Variants in AGMO observed in about 807,000 individuals in gnomAD.
AGMO encodes the protein alkylglycerol monooxygenase, also known as glyceryl-ether monooxygenase.
Under a neutral mutation model 60.2 loss-of-function variants are expected in AGMO, and 75 were observed. The observed-to-expected ratio is 1.25, with a 90% CI of 1.03 to 1.51. AGMO has a LOEUF of 1.51. Ranked by LOEUF, AGMO falls within the 40% of genes most tolerant of loss-of-function variation. The probability of loss-of-function intolerance (pLI) is 0.00; values close to 1 mark genes in which losing one functional copy is unlikely to be tolerated. For missense variants in AGMO, 763 were observed against 525.5 expected (o/e 1.45, Z -4.42); for synonymous variants, 261 against 177.1 (o/e 1.47, Z -3.76).
At chr7:15,380,298 A>C (rs1783625202) in intron 10 of AGMO, among the ~76,000 whole-genome samples, 1 of 152,118 alleles carries the variant, frequency 6.6e-6, no homozygotes, top group Admixed American at 6.5e-5. Context: ...AAGTTGATAA[A>C]CAACTTCAGC....
At chr7:15,175,290 C>CT in the AGMO span, among the ~76,000 whole-genome samples, 16 of 151,866 alleles carry the variant, frequency 1.1e-4, no homozygotes, top group Non-Finnish European at 2.2e-4. Flanking sequence ...CTTTAACTAT[C>CT]TTCCAGTACA....
downstream of AGMO, among the ~76,000 whole-genome samples, chr7:15,195,844 TAATA>T (rs1336774506): frequency 6.6e-6 from 1 of 152,170 alleles, no homozygotes; most frequent in Non-Finnish European, 1.5e-5. Context: ...TTACCATTAT[TAATA>T]ATCTTCCATT....
chr7:15,523,850 C>T (rs1295492037), intron 3 of AGMO, among the ~76,000 whole-genome samples: 1 of 151,864 alleles, frequency 6.6e-6, no homozygotes, highest in African/African-American at 2.4e-5. Flanking sequence ...AAAAAAGACA[C>T]CCAGGAAGAA....
the AGMO span, among the ~76,000 whole-genome samples, chr7:15,167,860 C>G: frequency 6.6e-6 from 1 of 152,178 alleles, no homozygotes; most frequent in Non-Finnish European, 1.5e-5. Context: ...CCTCAAGGAA[C>G]ACTTCTAAAC....
Position 15,286,548 on chromosome 7 carries a change from G to C in AGMO, c.1263+78966C>G, listed in dbSNP as rs1232770040. Among the ~76,000 whole-genome samples, 4 of 151,978 alleles carry C rather than the reference G, an allele frequency of 2.6e-5. No homozygotes were observed. The South Asian group carries it at 6.2e-4, about 24-fold the overall frequency. ...ATACCATCTCACCCATGCAAGTGTG[G>C]TCATTATTATAAAGTCAAAAAAAGA... On this transcript the variant is annotated intron_variant, in intron 12 of 12. Transcript: ENST00000342526.
the AGMO span, among the ~76,000 whole-genome samples, chr7:15,177,130 T>C: frequency 2.6e-5 from 4 of 152,060 alleles, no homozygotes; most frequent in African/African-American, 9.7e-5. Context: ...AACATTTTTT[T>C]TGGATCTGAG....
chr7:15,380,462 A>G (rs551774233), intron 10 of AGMO, among the ~76,000 whole-genome samples: 1 of 152,250 alleles, frequency 6.6e-6, no homozygotes, highest in African/African-American at 2.4e-5. Context: ...AGGGAGGTGA[A>G]AGATCTCTAG....
At chr7:15,347,181 A>T (rs1348239554) in intron 12 of AGMO, among the ~76,000 whole-genome samples, 1 of 152,036 alleles carries the variant, frequency 6.6e-6, no homozygotes, top group African/African-American at 2.4e-5. Flanking sequence ...GTCTTTTTGT[A>T]TAATTCCTGT....
In AGMO at chr7:15,354,496, G is replaced by A. The variant is rs1387540371; in HGVS notation, c.1263+11018C>T. ...TACACACGTGTGTATATACACACGT[G>A]TATATATATATATATATATATATAT... On this transcript the variant is annotated intron_variant, in intron 12 of 12. Transcript: ENST00000342526. 1.8e-3 allele frequency among the ~76,000 whole-genome samples: 34 copies of A among 18,778 alleles called. 1 individual carries two copies. Among genetic ancestry groups the A allele is most frequent in the South Asian group, 6.1e-3 (2 of 330 alleles). The allele number at this position is 18,778 out of a possible 152,430, so 12.3% of individuals were successfully genotyped here. A position where few individuals can be genotyped will look rare whatever the true frequency, so the allele number is the denominator to read the frequency against.
At chr7:15,542,607 T>C (rs1244069275) in intron 3 of AGMO, among the ~76,000 whole-genome samples, 1 of 152,170 alleles carries the variant, frequency 6.6e-6, no homozygotes, top group African/African-American at 2.4e-5. Flanking sequence ...TGTAATATAG[T>C]ACAATATAAA....
intron 10 of AGMO, among the ~76,000 whole-genome samples, chr7:15,370,374 G>C (rs532691843): frequency 1.3e-5 from 2 of 152,214 alleles, no homozygotes; most frequent in African/African-American, 4.8e-5. Flanking sequence ...GAGTGCATGT[G>C]TCTTTTAGAG....
chr7:15,556,726 A>G (rs899325815), intron 2 of AGMO, among the ~76,000 whole-genome samples: 1 of 152,154 alleles, frequency 6.6e-6, no homozygotes, highest in East Asian at 1.9e-4. Flanking sequence ...CTTAAACAAT[A>G]GATTTGGTAA....
chr7:15,387,324 A>C, intron 9 of AGMO, 82 bp downstream of exon 9: 3 of 1,463,990 alleles, frequency 2.0e-6, no homozygotes, highest in South Asian at 1.3e-5. Context: ...ATTTGCATGA[A>C]AACAGCGTAT....
At chr7:15,261,805 G>C (rs375336388) in intron 12 of AGMO, among the ~76,000 whole-genome samples, 197 of 152,080 alleles carry the variant, frequency 1.3e-3, no homozygotes, top group African/African-American at 4.5e-3. Flanking sequence ...AATCCACCAT[G>C]ATCAAGTGGG....
At chr7:15,443,270 G>A (rs117182260) in intron 3 of AGMO, among the ~76,000 whole-genome samples, 24 of 152,216 alleles carry the variant, frequency 1.6e-4, no homozygotes, top group Non-Finnish European at 2.2e-4. Context: ...TGCCCACTGC[G>A]GCCTCAGAAG....
At chr7:15,541,982 G>A (rs1395191734) in intron 3 of AGMO, among the ~76,000 whole-genome samples, 1 of 151,968 alleles carries the variant, frequency 6.6e-6, no homozygotes, top group Non-Finnish European at 1.5e-5. Flanking sequence ...GATGACATAC[G>A]TATTTTGGAA....
At chr7:15,502,958 G>A (rs1783424917) in intron 3 of AGMO, among the ~76,000 whole-genome samples, 1 of 151,964 alleles carries the variant, frequency 6.6e-6, no homozygotes, top group African/African-American at 2.4e-5. Context: ...TAATAAAAAT[G>A]ATTTCCCTCA....
At chr7:15,137,503 A>C in the AGMO span, among the ~76,000 whole-genome samples, 1 of 152,190 alleles carries the variant, frequency 6.6e-6, no homozygotes, top group African/African-American at 2.4e-5. Context: ...ATTTGGGGAA[A>C]GTTTTAGGGG....
At chr7:15,233,218 G>T (rs1441346496) in intron 12 of AGMO, among the ~76,000 whole-genome samples, 3 of 152,180 alleles carry the variant, frequency 2.0e-5, no homozygotes, top group Admixed American at 1.3e-4. Flanking sequence ...TTTTAATTTG[G>T]ACTACTGTTA....
Sources: allele counts gnomAD v4.1 joint callset (sites outside exome capture counted in the v4.1 genomes callset), GRCh38; gene constraint gnomAD v4.1.1; transcripts MANE v1.5; gene names NCBI Gene and HGNC (gene_info 2026-07-23, HGNC 2026-07-21).